PNPLA7: variants seen among roughly 807,000 people sequenced by gnomAD.
PNPLA7 encodes the protein patatin-like phospholipase domain-containing protein 7.
In PNPLA7, 153 loss-of-function variants were observed where a neutral mutation model predicts 161.7. The ratio of observed to expected loss-of-function variants is 0.95; its 90% CI spans 0.83 to 1.08. PNPLA7 has a LOEUF of 1.08. Among genes scored for constraint, PNPLA7 ranks in the 50% least tolerant of loss-of-function variants. PNPLA7 has a pLI of 0.00. For missense variants in PNPLA7, 1,739 were observed against 1,856.6 expected (o/e 0.94, Z 1.16); for synonymous variants, 809 against 782.1 (o/e 1.03, Z -0.57).
rs1008439097 is a variant in PNPLA7, at chr9:137,523,158, C to T, written c.748-301G>A. ...CCATGGGGAGTTCCAACCACTCCCA[C>T]CTGCCACTGAGGCTCACGGACCAGC... On this transcript the variant is annotated intron_variant, in intron 8 of 34. Transcript: ENST00000406427. The surrounding 1 kb of genome is among the most constrained non-coding windows in gnomAD (Gnocchi z 4.4). 2.6e-5 allele frequency among the ~76,000 whole-genome samples: 4 copies of T among 152,202 alleles called. No homozygotes were observed. Among genetic ancestry groups the T allele is most frequent in the Non-Finnish European group, 1.5e-5 (1 of 68,034 alleles).
rs1833247738 is a variant in PNPLA7 at position 137,499,286 on chromosome 9, A to G, written c.1758-1041T>C. On this transcript the variant is annotated intron_variant, in intron 16 of 34. Coordinates refer to ENST00000406427, the MANE Select transcript of PNPLA7 (RefSeq NM_001098537.3). The surrounding 1 kb of genome is among the most constrained non-coding windows in gnomAD (Gnocchi z 5.5). ...CATGGACACATGTAGACACAGAGAC[A>G]GACACACGGACACATGCAGACACAT... Among the ~76,000 whole-genome samples, 1 of 151,858 alleles carries G rather than the reference A, an allele frequency of 6.6e-6. No individual in the cohort carries two copies. The highest frequency in any genetic ancestry group is 1.9e-4 in the East Asian group (1 of 5,188).
intron 4 of PNPLA7, among the ~76,000 whole-genome samples, chr9:137,545,267 C>T (rs1836434500): frequency 6.6e-6 from 1 of 152,194 alleles, no homozygotes; most frequent in Non-Finnish European, 1.5e-5. Context: ...GTGAGTCACG[C>T]AGCTTTCAGC....
chr9:137,464,562 G>C (rs1831379119), intron 26 of PNPLA7, 106 bp from the exon 27 acceptor site: 2 of 1,041,326 alleles, frequency 1.9e-6, no homozygotes, highest in Non-Finnish European at 3.0e-6. Flanking sequence ...CGGGGGTCCA[G>C]AGTGTCCTTG....
At chr9:137,509,801 A>T (rs1834121556) in intron 12 of PNPLA7, 1 of 450,506 alleles carries the variant, frequency 2.2e-6, no homozygotes, top group East Asian at 7.0e-5. Context: ...GAGGCAAGAG[A>T]CAGAGGACAC....
chr9:137,494,054 T>G (rs1588594589), intron 19 of PNPLA7, among the ~76,000 whole-genome samples: 1 of 151,720 alleles, frequency 6.6e-6, no homozygotes, highest in Non-Finnish European at 1.5e-5. Flanking sequence ...GCCCCAGGGG[T>G]GGTGAGAGGC....
At chr9:137,503,905 GAAGA>G (rs377401361) in intron 14 of PNPLA7, among the ~76,000 whole-genome samples, 1 of 53,300 alleles carries the variant, frequency 1.9e-5, no homozygotes, top group East Asian at 5.8e-4. Flanking sequence ...GAAGAAGGAA[GAAGA>G]AAGAAGAAGG....
chr9:137,504,171 AGAAGAAG>A (rs958069775), intron 14 of PNPLA7, among the ~76,000 whole-genome samples: 23 of 150,654 alleles, frequency 1.5e-4, no homozygotes, highest in South Asian at 1.0e-3. Context: ...AGAAGACGGA[AGAAGAAG>A]GAAGAAGGAA....
intron 14 of PNPLA7, among the ~76,000 whole-genome samples, chr9:137,502,335 TAAG>T (rs1833480879): frequency 6.6e-6 from 1 of 151,808 alleles, no homozygotes; most frequent in Non-Finnish European, 1.5e-5. Flanking sequence ...GAAATAAAAA[TAAG>T]AAGCCCCACC....
Position 137,495,223 on chromosome 9 carries a change from G to A in PNPLA7, c.2014-77C>T, listed in dbSNP as rs964514266. The A allele has an allele frequency of 6.3e-5, 66 of 1,048,630 alleles. No homozygotes were observed. The African/African-American group carries it at 8.1e-4, about 13-fold the overall frequency. The allele number at this position is 1,048,630 out of a possible 1,614,324, so 65.0% of individuals were successfully genotyped here. On this transcript the variant is annotated intron_variant, in intron 18 of 34. Transcript: ENST00000406427. ...GCTGGACCTGTCCCTGACAGCCTCC[G>A]GTGCCTGCCAGAGCCACACATGACA...
At chr9:137,502,425 TCCC>T (rs979912055) in intron 14 of PNPLA7, among the ~76,000 whole-genome samples, 1 of 146,868 alleles carries the variant, frequency 6.8e-6, no homozygotes, top group African/African-American at 2.5e-5. Context: ...TGAAGGCAGC[TCCC>T]CCCCAAAAGA....
Position 137,460,055 on chromosome 9 carries a change from G to C in PNPLA7, c.*338C>G. 3.4e-6 allele frequency: 1 copy of C among 292,266 alleles called. No individual in the cohort carries two copies. The allele number at this position is 292,266 out of a possible 1,614,324, so 18.1% of individuals were successfully genotyped here. On this transcript the variant is annotated 3_prime_UTR_variant, in exon 35 of 35. Transcript: ENST00000406427. ...CACAGGACAGCAGGCAGTTCACAGGGCTTTGGGGGCCTCACAGGGCAGCAG... is the reference window on the plus strand; with the variant it reads ...CACAGGACAGCAGGCAGTTCACAGGCCTTTGGGGGCCTCACAGGGCAGCAG...
intron 25 of PNPLA7, 61 bp downstream of exon 25, chr9:137,477,973 C>G (rs528764728): frequency 8.0e-7 from 1 of 1,243,352 alleles, no homozygotes; most frequent in African/African-American, 1.6e-5. Flanking sequence ...TCCTAGCACC[C>G]GAGGGGGCGA....
At position 137,502,693 on chromosome 9, in the gene PNPLA7, G is replaced by GA. The variant is rs1274095855; in HGVS notation, c.1474-967_1474-966insT. ...AGAGCCTTCGGGAGATGAGGGGGACGGGGGGGACGCGGGGGACGCGGGGGA... is the reference window on the plus strand; with the variant it reads ...AGAGCCTTCGGGAGATGAGGGGGACGAGGGGGGACGCGGGGGACGCGGGGGA... On this transcript the variant is annotated intron_variant, in intron 14 of 34. Coordinates refer to ENST00000406427, the MANE Select transcript of PNPLA7 (RefSeq NM_001098537.3). 2.0e-4 allele frequency among the ~76,000 whole-genome samples: 18 copies of GA among 88,736 alleles called. 1 individual carries two copies. The highest frequency in any genetic ancestry group is 3.7e-4 in the Non-Finnish European group (16 of 43,780). The allele number at this position is 88,736 out of a possible 152,430, so 58.2% of individuals were successfully genotyped here.
chr9:137,489,870 C>G (rs1329948974), intron 20 of PNPLA7, among the ~76,000 whole-genome samples: 1 of 152,158 alleles, frequency 6.6e-6, no homozygotes, highest in African/African-American at 2.4e-5. Flanking sequence ...GGGACAATAA[C>G]GCGAGGTCTA....
In PNPLA7 at chr9:137,486,040, T is replaced by G. The variant is rs186775334; in HGVS notation, c.2198-1304A>C. Among the ~76,000 whole-genome samples the G allele has an allele frequency of 6.6e-6, 1 of 151,754 alleles. No individual in the cohort carries two copies. Among genetic ancestry groups the G allele is most frequent in the African/African-American group, 2.4e-5 (1 of 41,272 alleles). ...CCTGCCCACGAGGGTCTCCTGCATC[T>G]AGGTGCCGTGGATGCTCCTCCTCTG... is the stretch of plus-strand genomic sequence containing the variant. On this transcript the variant is annotated intron_variant, in intron 20 of 34. Transcript: ENST00000406427. The surrounding 1 kb of genome is among the most constrained non-coding windows in gnomAD (Gnocchi z 6.0).
At chr9:137,550,113 C>A (rs1228558487) in intron 1 of PNPLA7, 55 bp downstream of exon 1, 4 of 1,608,574 alleles carry the variant, frequency 2.5e-6, no homozygotes, top group Non-Finnish European at 3.4e-6. Context: ...TTCTCTGGGT[C>A]CAGAAATGCC....
At chr9:137,506,160 C>G (rs914638144) in intron 12 of PNPLA7, 77 bp from the exon 13 acceptor site, 22 of 1,251,520 alleles carry the variant, frequency 1.8e-5, no homozygotes, top group Middle Eastern at 1.9e-4. Flanking sequence ...GCTGAGCACA[C>G]CCTGCAGTCT....
rs147592815 is a variant in PNPLA7, at chr9:137,545,684, A to G, written c.273+1146T>C. Among the ~76,000 whole-genome samples, 1,046 of 152,128 alleles carry G rather than the reference A, an allele frequency of 6.9e-3. 4 individuals are homozygous for G. The highest frequency in any genetic ancestry group is 0.017 in the African/African-American group (694 of 41,510). On this transcript the variant is annotated intron_variant, in intron 4 of 34. Transcript: ENST00000406427. ...TTATTCCAATATTATAATAATCCTC[A>G]CTCTATAATCATAGCCTAGGAAAAA... is the stretch of plus-strand genomic sequence containing the variant.
chr9:137,466,403 T>C (rs1160884993), intron 26 of PNPLA7, among the ~76,000 whole-genome samples: 16 of 120,488 alleles, frequency 1.3e-4, no homozygotes, highest in African/African-American at 1.9e-4. Flanking sequence ...ATCTCCACCA[T>C]CTCAGACCCG....
Sources: allele counts gnomAD v4.1 joint callset (sites outside exome capture counted in the v4.1 genomes callset), GRCh38; gene constraint gnomAD v4.1.1; non-coding constraint Gnocchi (gnomAD v3.1); transcripts MANE v1.5; gene names NCBI Gene and HGNC (gene_info 2026-07-23, HGNC 2026-07-21).